The following ADGRL2 variants were observed in gnomAD, a reference collection of about 807,000 sequenced individuals.
ADGRL2 encodes adhesion G protein-coupled receptor L2, also known as calcium-independent alpha-latrotoxin receptor 2.
Under a neutral mutation model 157.4 loss-of-function variants are expected in ADGRL2, and 44 were observed. The observed-to-expected ratio is 0.28, with a 90% CI of 0.22 to 0.36. The LOEUF (loss-of-function observed/expected upper bound fraction) is 0.36. Among genes scored for constraint, ADGRL2 ranks in the 10% least tolerant of loss-of-function variants. ADGRL2 has a pLI of 1.00. For missense variants in ADGRL2, 1,510 were observed against 1,768.9 expected (o/e 0.85, Z 2.63); for synonymous variants, 585 against 624.7 (o/e 0.94, Z 0.95).
chr1:81,442,548 C>A (rs547382048), intron 1 of ADGRL2, among the ~76,000 whole-genome samples: 7 of 152,246 alleles, frequency 4.6e-5, no homozygotes, highest in African/African-American at 1.4e-4. Context: ...ACTTAATTAA[C>A]CAAGAGCGGT....
chr1:81,586,949 T>G (rs1052772672), intron 3 of ADGRL2, among the ~76,000 whole-genome samples: 16 of 152,078 alleles, frequency 1.1e-4, no homozygotes, highest in Non-Finnish European at 1.8e-4. Flanking sequence ...CAAGCAGTGA[T>G]GGACTGACGC....
chr1:81,900,505 A>G (rs529784354), intron 2 of ADGRL2, among the ~76,000 whole-genome samples: 11 of 149,602 alleles, frequency 7.4e-5, no homozygotes, highest in African/African-American at 2.7e-4. Context: ...CATGCCCAGC[A>G]GTGTTGTCAA....
At chr1:81,695,677 T>C (rs1286409690), upstream of ADGRL2, among the ~76,000 whole-genome samples, 1 of 151,990 alleles carries the variant, frequency 6.6e-6, no homozygotes, top group Non-Finnish European at 1.5e-5. Flanking sequence ...AAAAATTAGC[T>C]GGATGTGATG....
At chr1:81,814,857 G>GA (rs1385889757) in intron 1 of ADGRL2, among the ~76,000 whole-genome samples, 2 of 151,494 alleles carry the variant, frequency 1.3e-5, no homozygotes, top group African/African-American at 4.8e-5. Flanking sequence ...TAAAATCTTA[G>GA]AATATCAAGT....
At chr1:81,520,895 C>T (rs947522579) in intron 2 of ADGRL2, among the ~76,000 whole-genome samples, 23 of 152,118 alleles carry the variant, frequency 1.5e-4, no homozygotes, top group South Asian at 2.1e-4. Context: ...TTTCATTCCC[C>T]GATCCCAGGA....
intron 2 of ADGRL2, among the ~76,000 whole-genome samples, chr1:81,793,162 T>C (rs1417798988): frequency 6.6e-6 from 1 of 152,088 alleles, no homozygotes; most frequent in African/African-American, 2.4e-5. Flanking sequence ...CCACTGAAAT[T>C]CAATTGGTTT....
intron 1 of ADGRL2, among the ~76,000 whole-genome samples, chr1:81,759,694 G>A (rs2085806295): frequency 6.6e-6 from 1 of 152,048 alleles, no homozygotes; most frequent in South Asian, 2.1e-4. Context: ...TAAAACTGCT[G>A]TATTACTGAA....
chr1:81,639,928 A>C (rs749273679), intron 3 of ADGRL2, among the ~76,000 whole-genome samples: 12 of 152,302 alleles, frequency 7.9e-5, no homozygotes, highest in Non-Finnish European at 1.5e-4. Context: ...TCTTACACGT[A>C]AATAAAATAC....
At chr1:81,583,510 A>C (rs1050001051) in intron 3 of ADGRL2, among the ~76,000 whole-genome samples, 1 of 152,132 alleles carries the variant, frequency 6.6e-6, no homozygotes, top group Non-Finnish European at 1.5e-5. Flanking sequence ...AAAAACCTCT[A>C]TAGAAAGCAA....
At chr1:81,840,442 G>A (rs2092524230) in intron 2 of ADGRL2, among the ~76,000 whole-genome samples, 1 of 151,928 alleles carries the variant, frequency 6.6e-6, no homozygotes, top group Non-Finnish European at 1.5e-5. Flanking sequence ...TACATAATGA[G>A]ACATACATTT....
intron 1 of ADGRL2, among the ~76,000 whole-genome samples, chr1:81,388,625 G>A (rs1272035894): frequency 1.3e-5 from 2 of 152,136 alleles, no homozygotes; most frequent in East Asian, 3.9e-4. Flanking sequence ...GAGGCCCAAA[G>A]GAGGGCATTT....
chr1:81,621,434 G>A (rs1371735636), intron 3 of ADGRL2, among the ~76,000 whole-genome samples: 5 of 152,176 alleles, frequency 3.3e-5, no homozygotes, highest in Admixed American at 3.3e-4. Context: ...TGGAAAGAGA[G>A]ATTTTCCTGC....
chr1:81,389,159 T>G (rs2076491002), intron 1 of ADGRL2, among the ~76,000 whole-genome samples: 1 of 152,160 alleles, frequency 6.6e-6, no homozygotes, highest in Non-Finnish European at 1.5e-5. Context: ...ACAGTATTTT[T>G]AGTTGTTTTC....
intron 2 of ADGRL2, among the ~76,000 whole-genome samples, chr1:81,468,521 T>A (rs1377833635): frequency 6.6e-6 from 1 of 152,132 alleles, no homozygotes; most frequent in Non-Finnish European, 1.5e-5. Flanking sequence ...GTGACAACAA[T>A]GAATACAAAC....
At chr1:81,448,020 A>G (rs1387718430) in intron 2 of ADGRL2, among the ~76,000 whole-genome samples, 1 of 150,798 alleles carries the variant, frequency 6.6e-6, no homozygotes, top group Admixed American at 6.6e-5. Flanking sequence ...TTCCCTTCAC[A>G]TTCTGCCATG....
chr1:81,761,517 C>T (rs2085880601), intron 1 of ADGRL2, among the ~76,000 whole-genome samples: 3 of 151,766 alleles, frequency 2.0e-5, no homozygotes. Context: ...AGCTAAAGGG[C>T]TGAGTGAAAA....
chr1:81,878,632 A>G (rs896714378), intron 2 of ADGRL2, among the ~76,000 whole-genome samples: 3 of 152,186 alleles, frequency 2.0e-5, no homozygotes, highest in African/African-American at 7.2e-5. Flanking sequence ...TTCAGAAAAG[A>G]AATTAAAATA....
intron 3 of ADGRL2, among the ~76,000 whole-genome samples, chr1:81,583,053 T>C (rs1478557657): frequency 1.3e-5 from 2 of 152,176 alleles, no homozygotes; most frequent in South Asian, 2.1e-4. Context: ...TATTCTGTTA[T>C]ACCGTACACC....
chr1:81,985,244 G>A lies in ADGRL2; in HGVS notation c.3412-15G>A. The A allele has an allele frequency of 6.9e-7, 1 of 1,445,386 alleles. No homozygotes were observed. The highest frequency in any genetic ancestry group is 9.6e-7 in the Non-Finnish European group (1 of 1,038,830). The allele number at this position is 1,445,386 out of a possible 1,614,324, so 89.5% of individuals were successfully genotyped here. ...ACTAACAAAACATATTTGTCTTGCT[G>A]TTTTGTATTAATAGAGTCGTATAAG... On this transcript the variant is annotated splice_polypyrimidine_tract_variant and intron_variant, in intron 20 of 23. Transcript: ENST00000686636.
Sources: allele counts gnomAD v4.1 joint callset (sites outside exome capture counted in the v4.1 genomes callset), GRCh38; gene constraint gnomAD v4.1.1; transcripts MANE v1.5; gene names NCBI Gene and HGNC (gene_info 2026-07-23, HGNC 2026-07-21).